The following CACNA1D variants were observed in gnomAD, a reference collection of about 807,000 sequenced individuals.
CACNA1D encodes calcium voltage-gated channel subunit alpha1 D, also known as voltage-dependent L-type calcium channel subunit alpha-1D.
A neutral mutation model predicts 257.1 loss-of-function variants in CACNA1D; 55 were observed. That is an observed-to-expected ratio of 0.21 (90% CI 0.17 to 0.27). The LOEUF is 0.27. Ranked by LOEUF, CACNA1D falls within the 10% of genes least tolerant of loss-of-function variation. CACNA1D has a pLI of 1.00. For synonymous variants in CACNA1D, 980 were observed against 1,014.9 expected (o/e 0.97, Z 0.65); for missense variants, 1,876 against 2,784.0 (o/e 0.67, Z 7.34).
At position 53,566,743 on chromosome 3, in the gene CACNA1D, C is replaced by A. The variant is rs375398006; in HGVS notation, c.483+65023C>A. Among the ~76,000 whole-genome samples the A allele has an allele frequency of 4.3e-4, 65 of 152,338 alleles. No individual in the cohort carries two copies. The East Asian group carries it at 0.011, about 25-fold the overall frequency. ...AGCAGGCCCGTGCCCCACCAGCCCT[C>A]CCCGAGAGCTCCTGCGGCAGCTTGC... On this transcript the variant is annotated intron_variant, in intron 3 of 47. Transcript: ENST00000350061.
rs562798357 is a variant in CACNA1D, at chr3:53,564,042, T to C, written c.483+62322T>C. Among the ~76,000 whole-genome samples the C allele has an allele frequency of 8.5e-5, 13 of 152,374 alleles. No individual in the cohort carries two copies. The South Asian group carries it at 2.7e-3, about 32-fold the overall frequency. ...CCAATCTAATGGTTCTAAAATGATA[T>C]ATCATTCTGACTTGAATATGTATTT... is the stretch of plus-strand genomic sequence containing the variant. On this transcript the variant is annotated intron_variant, in intron 3 of 47. Coordinates refer to ENST00000350061, the MANE Select transcript of CACNA1D (RefSeq NM_001128840.3).
At position 53,774,646 on chromosome 3, in the gene CACNA1D, G is replaced by C; in HGVS notation, c.4170G>C (p.Gln1390His). 1 of 1,613,260 alleles carries C rather than the reference G, an allele frequency of 6.2e-7. No homozygotes were observed. The change falls in exon 34 of 48, where the codon CAG becomes CAC. Residue 1390 changes from glutamine to histidine, a missense_variant. Coordinates refer to ENST00000350061, the MANE Select transcript of CACNA1D (RefSeq NM_001128840.3). This position sits in a 1 kb window ranked among gnomAD's most constrained non-coding sequence, Gnocchi z 4.3. ...NNQINRNNNF[Q>H]TFPQAVLLLF... Reference sequence around the variant, plus strand: ...AGATCAATAGGAACAATAACTTCCAGACGTTTCCCCAGGCGGTGCTGCTGC... The same window carrying C: ...AGATCAATAGGAACAATAACTTCCACACGTTTCCCCAGGCGGTGCTGCTGC...
intron 3 of CACNA1D, among the ~76,000 whole-genome samples, chr3:53,646,571 A>G (rs531351131): frequency 6.6e-6 from 1 of 152,158 alleles, no homozygotes; most frequent in South Asian, 2.1e-4. Context: ...GGCCCCTTTC[A>G]ATAGAGAATC....
intron 3 of CACNA1D, among the ~76,000 whole-genome samples, chr3:53,599,175 A>C (rs1377608698): frequency 6.6e-6 from 1 of 152,238 alleles, no homozygotes; most frequent in Non-Finnish European, 1.5e-5. Flanking sequence ...ATTAGCTTAA[A>C]AATATTTTAA....
At chr3:53,802,850 G>A (rs1559715668) in intron 43 of CACNA1D, among the ~76,000 whole-genome samples, 1 of 152,204 alleles carries the variant, frequency 6.6e-6, no homozygotes, top group Non-Finnish European at 1.5e-5. Context: ...AGGATGAGCC[G>A]GGTTTCAGGG....
chr3:53,743,292 G>A (rs1050254411), intron 22 of CACNA1D, among the ~76,000 whole-genome samples, 175 bp downstream of exon 22: 4 of 152,188 alleles, frequency 2.6e-5, no homozygotes, highest in African/African-American at 9.7e-5. Flanking sequence ...TCTTGTGTGT[G>A]TGTGTTTTTT....
At chr3:53,591,932 C>G (rs975776455) in intron 3 of CACNA1D, among the ~76,000 whole-genome samples, 2 of 152,218 alleles carry the variant, frequency 1.3e-5, no homozygotes, top group African/African-American at 4.8e-5. Context: ...GGGTGACAGG[C>G]TCTCCACCTT....
At chr3:53,718,205 C>T (rs575869807) in intron 9 of CACNA1D, 96 bp from the exon 10 acceptor site, 14 of 1,039,322 alleles carry the variant, frequency 1.3e-5, no homozygotes, top group East Asian at 7.1e-5. Flanking sequence ...TCCTGGGTTC[C>T]GGAGGTCTGC....
At chr3:53,532,920 T>G (rs1237652256) in intron 3 of CACNA1D, among the ~76,000 whole-genome samples, 4 of 152,192 alleles carry the variant, frequency 2.6e-5, no homozygotes, top group African/African-American at 9.6e-5. Context: ...CCGGGACCCC[T>G]GACTGAACAT....
rs1304368145 is a variant in CACNA1D at position 53,528,504 on chromosome 3, T to C, written c.483+26784T>C. 7.2e-5 allele frequency among the ~76,000 whole-genome samples: 11 copies of C among 152,324 alleles called. No individual in the cohort carries two copies. In the South Asian group the frequency reaches 2.3e-3, roughly 32 times the overall value. On this transcript the variant is annotated intron_variant, in intron 3 of 47. Coordinates refer to ENST00000350061, the MANE Select transcript of CACNA1D (RefSeq NM_001128840.3). ...CTCCACCCCTCACTACAAGATTGTA[T>C]TGGCTATTCTAGGTCCTTTGCATTT... is the stretch of plus-strand genomic sequence containing the variant.
At chr3:53,704,877 G>A (rs554855212) in intron 9 of CACNA1D, among the ~76,000 whole-genome samples, 56 of 152,320 alleles carry the variant, frequency 3.7e-4, no homozygotes, top group African/African-American at 1.3e-3. Flanking sequence ...TCCTCCTCTA[G>A]AAGTAGACAA....
intron 40 of CACNA1D, among the ~76,000 whole-genome samples, chr3:53,798,639 C>T (rs2095520134): frequency 6.6e-6 from 1 of 152,220 alleles, no homozygotes; most frequent in African/African-American, 2.4e-5. Context: ...CCAAACCCAA[C>T]CTGGCACCAT....
chr3:53,745,900 G>A (rs1323069617), intron 25 of CACNA1D, 25 bp downstream of exon 25: 1 of 1,593,698 alleles, frequency 6.3e-7, no homozygotes, highest in African/African-American at 1.3e-5. Flanking sequence ...AGTGGAGTAG[G>A]GGACTTAGAA....
At position 53,531,951 on chromosome 3, in the gene CACNA1D, T is replaced by C. The variant is rs75337693; in HGVS notation, c.483+30231T>C. 6.0e-4 allele frequency among the ~76,000 whole-genome samples: 91 copies of C among 152,116 alleles called. No individual in the cohort carries two copies. In the East Asian group the frequency reaches 0.016, roughly 26 times the overall value. On this transcript the variant is annotated intron_variant, in intron 3 of 47. Transcript: ENST00000350061. ...GGTGGCAGGTAGCTAATAACAGGTGTGTGCTTGCTCTACACCAGGGATCCC... is the reference window on the plus strand; with the variant it reads ...GGTGGCAGGTAGCTAATAACAGGTGCGTGCTTGCTCTACACCAGGGATCCC...
chr3:53,781,055 T>C (rs183368213), intron 38 of CACNA1D, among the ~76,000 whole-genome samples: 2 of 152,300 alleles, frequency 1.3e-5, no homozygotes, highest in Admixed American at 6.5e-5. Flanking sequence ...GGCAGAATGG[T>C]CCTCTATACT....
chr3:53,688,538 T>G (rs571782896), intron 8 of CACNA1D, among the ~76,000 whole-genome samples: 1 of 152,114 alleles, frequency 6.6e-6, no homozygotes, highest in Non-Finnish European at 1.5e-5. Context: ...CCTTTCCAAG[T>G]ATGTGGGAGC....
chr3:53,719,595 A>T (rs1343072714), intron 10 of CACNA1D, among the ~76,000 whole-genome samples, 160 bp from the exon 11 acceptor site: 1 of 152,020 alleles, frequency 6.6e-6, no homozygotes, highest in Non-Finnish European at 1.5e-5. Context: ...CAGCATCCTA[A>T]TTTCTGCTCT....
rs150100708 is a variant in CACNA1D at position 53,794,723 on chromosome 3, G to T, written c.4924-5526G>T. On this transcript the variant is annotated intron_variant, in intron 40 of 47. Coordinates refer to ENST00000350061, the MANE Select transcript of CACNA1D (RefSeq NM_001128840.3). ...AACAAGAACATGCAAGCACAAAGAC[G>T]CCAGGGTGATGACATCATGCATCAG... Among the ~76,000 whole-genome samples, 553 of 152,320 alleles carry T rather than the reference G, an allele frequency of 3.6e-3. 2 individuals carry two copies. The highest frequency in any genetic ancestry group is 6.8e-3 in the South Asian group (33 of 4,828).
intron 2 of CACNA1D, among the ~76,000 whole-genome samples, chr3:53,499,335 T>C (rs1204903209): frequency 6.6e-6 from 1 of 152,124 alleles, no homozygotes; most frequent in Non-Finnish European, 1.5e-5. Flanking sequence ...CTTTTTTTAA[T>C]GACAGTTTCC....
Sources: allele counts gnomAD v4.1 joint callset (sites outside exome capture counted in the v4.1 genomes callset), GRCh38; gene constraint gnomAD v4.1.1; non-coding constraint Gnocchi (gnomAD v3.1); transcripts MANE v1.5; gene names NCBI Gene and HGNC (gene_info 2026-07-23, HGNC 2026-07-21).